The following SLCO3A1 variants were observed in gnomAD, a reference collection of about 807,000 sequenced individuals.
SLCO3A1 encodes the protein solute carrier organic anion transporter family member 3A1, also known as PGE1 transporter.
In SLCO3A1, 27 loss-of-function variants were observed where a neutral mutation model predicts 63.1. The ratio of observed to expected loss-of-function variants is 0.43; its 90% CI spans 0.32 to 0.59. The LOEUF is 0.59. Ranked by LOEUF, SLCO3A1 falls within the 20% of genes least tolerant of loss-of-function variation. The pLI is 0.09. For missense variants in SLCO3A1, 773 were observed against 945.8 expected (o/e 0.82, Z 2.40); for synonymous variants, 473 against 409.9 (o/e 1.15, Z -1.86).
chr15:91,992,869 C>T (rs1044272692), intron 2 of SLCO3A1, among the ~76,000 whole-genome samples: 91 of 152,166 alleles, frequency 6.0e-4, no homozygotes, highest in African/African-American at 2.1e-3. Flanking sequence ...AAAGGTCATC[C>T]TAGGGCTATT....
chr15:92,035,018 C>T (rs1192677863), intron 2 of SLCO3A1, among the ~76,000 whole-genome samples: 1 of 151,844 alleles, frequency 6.6e-6, no homozygotes, highest in Admixed American at 6.6e-5. Context: ...AATGGCTTGT[C>T]CAAGGTCATA....
At chr15:91,962,160 G>C (rs894905958) in intron 2 of SLCO3A1, among the ~76,000 whole-genome samples, 1 of 152,270 alleles carries the variant, frequency 6.6e-6, no homozygotes, top group East Asian at 1.9e-4. Flanking sequence ...TAGCATATGA[G>C]GCAGTGACTA....
intron 2 of SLCO3A1, among the ~76,000 whole-genome samples, chr15:91,985,400 G>A (rs1182225277): frequency 6.6e-6 from 1 of 152,246 alleles, no homozygotes; most frequent in African/African-American, 2.4e-5. Flanking sequence ...CCAGTTTGTG[G>A]CTATCATGAA....
At chr15:92,171,848 T>C in exon 11 of SLCO3A1, 1 of 1,551,274 alleles carries the variant, frequency 6.4e-7, no homozygotes, top group Admixed American at 2.0e-5. Context: ...AGAAGACTCC[T>C]TTGTGAGAAG....
At chr15:92,056,769 G>A (rs2047027012) in intron 2 of SLCO3A1, among the ~76,000 whole-genome samples, 1 of 152,168 alleles carries the variant, frequency 6.6e-6, no homozygotes, top group Non-Finnish European at 1.5e-5. Context: ...AGCCTTGCTG[G>A]CAGCAGCATG....
chr15:91,858,112 C>T (rs543264838), intron 1 of SLCO3A1, among the ~76,000 whole-genome samples: 15 of 152,002 alleles, frequency 9.9e-5, no homozygotes, highest in African/African-American at 3.4e-4. Context: ...AGGTTTGTTA[C>T]TCCTTTTTTT....
intron 1 of SLCO3A1, among the ~76,000 whole-genome samples, chr15:91,911,308 A>C (rs1264414299): frequency 6.6e-6 from 1 of 152,198 alleles, no homozygotes; most frequent in African/African-American, 2.4e-5. Flanking sequence ...GCTAGTTGAG[A>C]AGAGGAAGCT....
At chr15:92,154,835 GGGAGAAA>G (rs1460122268) in intron 9 of SLCO3A1, among the ~76,000 whole-genome samples, 1 of 152,076 alleles carries the variant, frequency 6.6e-6, no homozygotes, top group Non-Finnish European at 1.5e-5. Context: ...GGGCTGAGAT[GGGAGAAA>G]GGAGAGAGGA....
intron 2 of SLCO3A1, among the ~76,000 whole-genome samples, chr15:92,048,612 T>A (rs2046918860): frequency 6.6e-6 from 1 of 152,162 alleles, no homozygotes; most frequent in African/African-American, 2.4e-5. Flanking sequence ...ACATGTCTGC[T>A]GGGGAGGTAA....
downstream of SLCO3A1, among the ~76,000 whole-genome samples, chr15:92,166,177 C>T (rs1471719946): frequency 6.6e-6 from 1 of 152,154 alleles, no homozygotes; most frequent in Non-Finnish European, 1.5e-5. Context: ...TGTGTGCTCT[C>T]AGGGAACGCT....
chr15:92,120,701 T>C (rs1335174705), intron 5 of SLCO3A1, 72 bp downstream of exon 5: 3 of 1,364,874 alleles, frequency 2.2e-6, no homozygotes, highest in Non-Finnish European at 3.1e-6. Flanking sequence ...AAAAATTTAC[T>C]GAGCCCTGCT....
intron 9 of SLCO3A1, 63 bp downstream of exon 9, chr15:92,151,077 G>C: frequency 9.0e-7 from 1 of 1,109,006 alleles, no homozygotes; most frequent in South Asian, 1.3e-5. Context: ...GTGAGTAACT[G>C]TCAGTCAAAT....
chr15:91,879,648 G>A (rs376657295), intron 1 of SLCO3A1, among the ~76,000 whole-genome samples: 1 of 152,142 alleles, frequency 6.6e-6, no homozygotes, highest in African/African-American at 2.4e-5. Context: ...TGTTCTAGCC[G>A]CTCAGAACAT....
chr15:92,027,792 C>T (rs1056959990), intron 2 of SLCO3A1, among the ~76,000 whole-genome samples: 1 of 152,146 alleles, frequency 6.6e-6, no homozygotes, highest in Non-Finnish European at 1.5e-5. Flanking sequence ...AAAACAGGAC[C>T]GCGTAAAATA....
intron 2 of SLCO3A1, among the ~76,000 whole-genome samples, chr15:92,076,543 T>A (rs2047279050): frequency 1.3e-5 from 2 of 152,174 alleles, no homozygotes; most frequent in South Asian, 4.1e-4. Context: ...TGGGCATGAA[T>A]CCACGGATAG....
intron 2 of SLCO3A1, among the ~76,000 whole-genome samples, chr15:92,087,410 A>T (rs998975228): frequency 1.8e-4 from 27 of 152,192 alleles, no homozygotes; most frequent in Admixed American, 1.7e-3. Context: ...GCTTCTTCAA[A>T]CATGTCTAGA....
At chr15:92,028,104 T>C (rs2046598393) in intron 2 of SLCO3A1, among the ~76,000 whole-genome samples, 1 of 152,216 alleles carries the variant, frequency 6.6e-6, no homozygotes, top group African/African-American at 2.4e-5. Context: ...TGGGTGCCTC[T>C]GAGCACCATG....
rs538908216 is a variant in SLCO3A1, at chr15:91,894,738, T to A, written c.181-21255T>A. ...TGAGATTTTTGAATTTCTAAAAGGC[T>A]CTCTGGTGATGTCAGCTACTCCTGC... On this transcript the variant is annotated intron_variant, in intron 1 of 9. Transcript: ENST00000318445. This position sits in a 1 kb window ranked among gnomAD's most constrained non-coding sequence, Gnocchi z 4.8. 2.6e-5 allele frequency among the ~76,000 whole-genome samples: 4 copies of A among 152,200 alleles called. No individual in the cohort carries two copies. The highest frequency in any genetic ancestry group is 5.9e-5 in the Non-Finnish European group (4 of 68,036).
intron 2 of SLCO3A1, among the ~76,000 whole-genome samples, chr15:92,056,439 A>G (rs986482222): frequency 5.9e-5 from 9 of 152,186 alleles, no homozygotes; most frequent in Non-Finnish European, 5.9e-5. Flanking sequence ...AACTTCGCTT[A>G]GAAGTCCCTG....
Sources: allele counts gnomAD v4.1 joint callset (sites outside exome capture counted in the v4.1 genomes callset), GRCh38; gene constraint gnomAD v4.1.1; non-coding constraint Gnocchi (gnomAD v3.1); transcripts MANE v1.5; gene names NCBI Gene and HGNC (gene_info 2026-07-23, HGNC 2026-07-21).